Variants in CCR3 observed in about 807,000 individuals in gnomAD.
CCR3 encodes the protein C-C chemokine receptor type 3.
For synonymous variants in CCR3, 203 were observed against 179.2 expected (o/e 1.13, Z -1.06); for missense variants, 419 against 437.5 (o/e 0.96, Z 0.38).
intron 2 of CCR3, among the ~76,000 whole-genome samples, chr3:46,217,108 G>A (rs1489571872): frequency 6.6e-6 from 1 of 152,132 alleles, no homozygotes; most frequent in Admixed American, 6.6e-5. Flanking sequence ...GGTAAAGTGA[G>A]GGGGAGGGAA....
At chr3:46,247,631 C>T (rs964472328) in intron 1 of CCR3, among the ~76,000 whole-genome samples, 3 of 152,088 alleles carry the variant, frequency 2.0e-5, no homozygotes, top group African/African-American at 7.2e-5. Flanking sequence ...TGTTATCAGA[C>T]TGTATAGAGG....
rs554486373 is a variant in CCR3 at position 46,219,474 on chromosome 3, GA to G, written c.-68+8575del. On this transcript the variant is annotated intron_variant, in intron 2 of 3. Coordinates refer to the CCR3 transcript ENST00000357422. ...GTCATCATCATTCTTCACAGAACTA[GA>G]AAAAAAATCCTATAATTCATATGGA... Among the ~76,000 whole-genome samples, 589 of 151,650 alleles carry G rather than the reference GA, an allele frequency of 3.9e-3. 2 individuals are homozygous for G. The highest frequency in any genetic ancestry group is 0.013 in the African/African-American group (549 of 41,344).
intron 1 of CCR3, among the ~76,000 whole-genome samples, chr3:46,251,494 G>T (rs1038057893): frequency 4.5e-4 from 69 of 152,248 alleles, no homozygotes; most frequent in Admixed American, 9.8e-4. Context: ...TCTTGGGCTG[G>T]TCGGTCTGAG....
chr3:46,220,835 A>C (rs1699827634), intron 2 of CCR3, among the ~76,000 whole-genome samples: 3 of 152,088 alleles, frequency 2.0e-5, no homozygotes. Flanking sequence ...GACATAATGG[A>C]CTCTGGAGAC....
intron 1 of CCR3, among the ~76,000 whole-genome samples, chr3:46,247,490 G>A (rs1700219889): frequency 6.6e-6 from 1 of 152,146 alleles, no homozygotes; most frequent in Non-Finnish European, 1.5e-5. Context: ...GCTTGGTGAG[G>A]TGTGTTTTTA....
chr3:46,251,015 A>C (rs1378521363), intron 1 of CCR3, among the ~76,000 whole-genome samples: 3 of 151,960 alleles, frequency 2.0e-5, no homozygotes, highest in Admixed American at 2.0e-4. Context: ...GCCCCCTAGA[A>C]AAGTGGGACT....
chr3:46,230,949 G>T (rs1542755), intron 2 of CCR3, among the ~76,000 whole-genome samples: 9,299 of 152,162 alleles, frequency 0.061, 463 homozygotes, highest in South Asian at 0.25. Flanking sequence ...GTTTTTGAAG[G>T]TGTCTCGCTC....
At chr3:46,251,066 C>T (rs1263842737) in intron 1 of CCR3, among the ~76,000 whole-genome samples, 2 of 151,480 alleles carry the variant, frequency 1.3e-5, no homozygotes, top group African/African-American at 2.4e-5. Context: ...GGGGTACTTG[C>T]CCCTCCCCCA....
chr3:46,260,189 G>A (rs1195572307), intron 1 of CCR3, among the ~76,000 whole-genome samples: 1 of 152,154 alleles, frequency 6.6e-6, no homozygotes, highest in Non-Finnish European at 1.5e-5. Flanking sequence ...CACGACACAT[G>A]GGGATTGTGG....
Position 46,265,430 on chromosome 3 carries a change from T to A in CCR3, c.272T>A (p.Ile91Asn), listed in dbSNP as rs1210058327. 10 of 1,614,180 alleles carry A rather than the reference T, an allele frequency of 6.2e-6. No individual in the cohort carries two copies. Among genetic ancestry groups the A allele is most frequent in the Non-Finnish European group, 7.6e-6 (9 of 1,180,020 alleles). ...TTCCTCGTCACCCTTCCATTCTGGA[T>A]CCACTATGTCAGGGGGCATAACTGG... is the stretch of plus-strand genomic sequence containing the variant. ...LLFLVTLPFW[I>N]HYVRGHNWVF... Residue 91 changes from isoleucine to asparagine, a missense_variant, in exon 2 of 2, where the codon ATC (isoleucine) becomes AAC (asparagine). By Grantham distance (149) the Ile-to-Asn change is moderately radical. Transcript: ENST00000395940.
At chr3:46,256,184 T>C (rs922579045) in intron 1 of CCR3, among the ~76,000 whole-genome samples, 1 of 152,196 alleles carries the variant, frequency 6.6e-6, no homozygotes, top group Admixed American at 6.5e-5. Flanking sequence ...TTAAAGCTGA[T>C]TTGTCTATAG....
At chr3:46,261,238 C>G (rs1700520448) in intron 1 of CCR3, among the ~76,000 whole-genome samples, 1 of 152,052 alleles carries the variant, frequency 6.6e-6, no homozygotes, top group Non-Finnish European at 1.5e-5. Context: ...TTTAATAAAA[C>G]AAATGGCTCT....
upstream of CCR3, among the ~76,000 whole-genome samples, chr3:46,241,135 TTC>T (rs201378621): frequency 5.8e-4 from 86 of 147,802 alleles, no homozygotes; most frequent in African/African-American, 2.1e-3. Flanking sequence ...TCCCTATTCT[TTC>T]TCTCTCTCTC....
intron 1 of CCR3, among the ~76,000 whole-genome samples, chr3:46,260,351 CA>C (rs1283057109): frequency 6.6e-6 from 1 of 152,208 alleles, no homozygotes; most frequent in Admixed American, 6.5e-5. Context: ...ATCATTAACT[CA>C]AAAGTCCACA....
At chr3:46,223,655 T>G (rs977057290) in intron 2 of CCR3, among the ~76,000 whole-genome samples, 2 of 152,206 alleles carry the variant, frequency 1.3e-5, no homozygotes, top group Non-Finnish European at 2.9e-5. Flanking sequence ...TATTGATAAG[T>G]ACAGTTTGAC....
At chr3:46,224,172 G>T (rs1343548015) in intron 2 of CCR3, among the ~76,000 whole-genome samples, 1 of 152,164 alleles carries the variant, frequency 6.6e-6, no homozygotes, top group Non-Finnish European at 1.5e-5. Flanking sequence ...GTGAAAATGT[G>T]CTCTGCATCA....
In CCR3 at chr3:46,265,546, G is replaced by A. The variant is rs764940028; in HGVS notation, c.388G>A (p.Asp130Asn). 42 of 1,613,880 alleles carry A rather than the reference G, an allele frequency of 2.6e-5. No homozygotes were observed. Among genetic ancestry groups the A allele is most frequent in the South Asian group, 5.5e-5 (5 of 91,056 alleles). ...EIFFIILLTIDRYLAIVHAVF... is the reference protein window; with the variant it reads ...EIFFIILLTINRYLAIVHAVF... ...CTTTTTCATAATCCTGCTGACAATC[G>A]ACAGGTACCTGGCCATTGTCCATGC... The change falls in exon 2 of 2, where the codon GAC (aspartate) becomes AAC (asparagine). Residue 130 changes from aspartate to asparagine, a missense_variant. Coordinates refer to ENST00000395940, the MANE Select transcript of CCR3 (RefSeq NM_178329.3).
At chr3:46,244,155 A>G (rs2125927836) in intron 1 of CCR3, among the ~76,000 whole-genome samples, 1 of 152,380 alleles carries the variant, frequency 6.6e-6, no homozygotes, top group African/African-American at 2.4e-5. Flanking sequence ...AAATGCACAC[A>G]AATATGTTTA....
At chr3:46,227,457 T>G (rs1423944791) in intron 2 of CCR3, among the ~76,000 whole-genome samples, 5 of 152,166 alleles carry the variant, frequency 3.3e-5, no homozygotes, top group Non-Finnish European at 2.9e-5. Flanking sequence ...CTTGCCTTTT[T>G]TTCTCTTGCA....
Sources: allele counts gnomAD v4.1 joint callset (sites outside exome capture counted in the v4.1 genomes callset), GRCh38; gene constraint gnomAD v4.1.1; transcripts MANE v1.5; gene names NCBI Gene and HGNC (gene_info 2026-07-23, HGNC 2026-07-21).